CDH19: variants seen among roughly 807,000 people sequenced by gnomAD.
CDH19 encodes the protein cadherin 19.
A neutral mutation model predicts 64.2 loss-of-function variants in CDH19; 67 were observed. The observed-to-expected ratio is 1.04, with a 90% CI of 0.86 to 1.28. The LOEUF (loss-of-function observed/expected upper bound fraction) is 1.28. Ranked by LOEUF, CDH19 falls within the 50% of genes most tolerant of loss-of-function variation. The pLI, the probability that CDH19 is intolerant of heterozygous loss-of-function variation, is 0.00. For synonymous variants in CDH19, 346 were observed against 319.3 expected (o/e 1.08, Z -0.89); for missense variants, 1,030 against 929.0 (o/e 1.11, Z -1.41).
intron 1 of CDH19, among the ~76,000 whole-genome samples, chr18:66,599,071 ATATT>A (rs1335905879): frequency 6.6e-6 from 1 of 152,006 alleles, no homozygotes; most frequent in Non-Finnish European, 1.5e-5. Flanking sequence ...CACTTGTTTT[ATATT>A]TATTTTTTAT....
intron 7 of CDH19, among the ~76,000 whole-genome samples, chr18:66,542,026 CTA>C (rs1325134029): frequency 1.3e-5 from 2 of 152,006 alleles, no homozygotes; most frequent in Non-Finnish European, 2.9e-5. Context: ...ACTTGTACTC[CTA>C]AAATTAACAG....
intron 9 of CDH19, among the ~76,000 whole-genome samples, chr18:66,519,212 T>C (rs1598974066): frequency 6.6e-6 from 1 of 152,214 alleles, no homozygotes; most frequent in East Asian, 1.9e-4. Context: ...GTGTAGCTAA[T>C]TCAAATCTCT....
At chr18:66,587,834 A>G (rs1988621720) in intron 1 of CDH19, among the ~76,000 whole-genome samples, 1 of 152,124 alleles carries the variant, frequency 6.6e-6, no homozygotes, top group Non-Finnish European at 1.5e-5. Context: ...TTACTGTAAT[A>G]GCCTAGCTCC....
At chr18:66,595,638 A>T (rs1248176104) in intron 1 of CDH19, among the ~76,000 whole-genome samples, 1 of 152,004 alleles carries the variant, frequency 6.6e-6, no homozygotes, top group East Asian at 1.9e-4. Context: ...ACTGAAAGAG[A>T]TTAATAGTGA....
rs896124035 is a variant in CDH19 at position 66,542,733 on chromosome 18, G to A, written c.1214+1238C>T. On this transcript the variant is annotated intron_variant, in intron 7 of 11. Transcript: ENST00000262150. ...GGCAGGCGAGCCAGCCTTACTGTCT[G>A]AGCTCCGCCTCTTCTCATATCCACG... is the stretch of plus-strand genomic sequence containing the variant. Among the ~76,000 whole-genome samples the A allele has an allele frequency of 2.0e-5, 3 of 151,968 alleles. No individual in the cohort carries two copies. In the Admixed American group the frequency reaches 2.0e-4, roughly 10 times the overall value.
At chr18:66,575,383 T>C (rs1322340304) in intron 1 of CDH19, among the ~76,000 whole-genome samples, 5 of 151,782 alleles carry the variant, frequency 3.3e-5, no homozygotes, top group African/African-American at 1.2e-4. Flanking sequence ...AAAGCCCTCT[T>C]TACACTTTAA....
Position 66,568,613 on chromosome 18 carries a change from T to C in CDH19, c.293A>G (p.Asp98Gly). 1 of 1,611,990 alleles carries C rather than the reference T, an allele frequency of 6.2e-7. No individual in the cohort carries two copies. The highest frequency in any genetic ancestry group is 8.5e-7 in the Non-Finnish European group (1 of 1,178,674). Reference protein sequence around the residue: ...STFIIDERTGDIYAIQKLDRE... With the variant: ...STFIIDERTGGIYAIQKLDRE... ...ATCAAGCTTCTGTATGGCATATATGTCACCTGTTCTTTCATCAATGATAAA... is the reference window on the plus strand; with the variant it reads ...ATCAAGCTTCTGTATGGCATATATGCCACCTGTTCTTTCATCAATGATAAA... The change falls in exon 3 of 12, where the codon GAC becomes GGC. Residue 98 changes from aspartate (D) to glycine (G), a missense_variant. Transcript: ENST00000262150.
intron 1 of CDH19, among the ~76,000 whole-genome samples, chr18:66,591,154 G>T (rs774439377): frequency 6.8e-4 from 103 of 152,010 alleles, no homozygotes; most frequent in Non-Finnish European, 1.1e-3. Context: ...TTTAATAAAT[G>T]TAACCTCTAG....
chr18:66,544,212 C>CA lies in CDH19; in HGVS notation c.972dup (p.Glu325Ter). 6.2e-7 allele frequency: 1 copy of CA among 1,612,266 alleles called. No individual in the cohort carries two copies. The highest frequency in any genetic ancestry group is 8.5e-7 in the Non-Finnish European group (1 of 1,179,176). Reference sequence around the variant, plus strand: ...CTAATACCGTAGTGGTTCTGGTGCTCAAAATCCACTTTCTGCAAAGAAACA... The same window carrying CA: ...CTAATACCGTAGTGGTTCTGGTGCTCAAAAATCCACTTTCTGCAAAGAAACA... On this transcript the variant is annotated frameshift_variant, in exon 7 of 12. Coordinates refer to ENST00000262150, the MANE Select transcript of CDH19 (RefSeq NM_021153.4). LOFTEE classifies it high-confidence loss of function.
intron 1 of CDH19, among the ~76,000 whole-genome samples, chr18:66,586,781 A>C (rs989078931): frequency 1.3e-4 from 20 of 152,148 alleles, no homozygotes; most frequent in South Asian, 2.1e-4. Flanking sequence ...TAAACACAGA[A>C]GCAAGAAAAT....
chr18:66,559,740 A>G lies in CDH19; in HGVS notation c.491-5216T>C, dbSNP rs978665040. Among the ~76,000 whole-genome samples, 15 of 151,030 alleles carry G rather than the reference A, an allele frequency of 9.9e-5. No homozygotes were observed. The East Asian group carries it at 2.9e-3, about 29-fold the overall frequency. On this transcript the variant is annotated intron_variant, in intron 3 of 11. Coordinates refer to ENST00000262150, the MANE Select transcript of CDH19 (RefSeq NM_021153.4). ...TGAAACCTATTTTAGTTAAATATAT[A>G]ATATATATGAAAAGAAATAAAATAT...
At chr18:66,553,057 A>T (rs1043403522) in intron 4 of CDH19, among the ~76,000 whole-genome samples, 3 of 134,144 alleles carry the variant, frequency 2.2e-5, no homozygotes, top group African/African-American at 1.0e-4. Context: ...TGACCACACA[A>T]CATAAAGTCA....
chr18:66,597,870 C>T (rs748416424), intron 1 of CDH19, among the ~76,000 whole-genome samples: 8 of 151,948 alleles, frequency 5.3e-5, no homozygotes, highest in Non-Finnish European at 1.0e-4. Context: ...AGAAGGGGAA[C>T]ATCACACACC....
At chr18:66,579,206 T>C (rs1988354133) in intron 1 of CDH19, among the ~76,000 whole-genome samples, 1 of 152,014 alleles carries the variant, frequency 6.6e-6, no homozygotes, top group South Asian at 2.1e-4. Flanking sequence ...ATTAGACAAC[T>C]AACCGTGGAA....
At chr18:66,572,873 C>T (rs960196893) in intron 1 of CDH19, among the ~76,000 whole-genome samples, 5 of 151,618 alleles carry the variant, frequency 3.3e-5, no homozygotes, top group African/African-American at 1.2e-4. Context: ...AGAAAGCTTG[C>T]ATAAGATATT....
At chr18:66,536,781 T>C (rs188792553) in intron 7 of CDH19, among the ~76,000 whole-genome samples, 139 of 151,956 alleles carry the variant, frequency 9.1e-4, no homozygotes, top group Middle Eastern at 6.8e-3. Context: ...CCACCTTCAC[T>C]GGACAAAATT....
At position 66,575,179 on chromosome 18, in the gene CDH19, T is replaced by C. The variant is rs575473665; in HGVS notation, c.-112-2863A>G. ...AGACCTGTGGATCATTTCATTATAATGGTAGTGCTACAAAAAACTAAGTCA... is the reference window on the plus strand; with the variant it reads ...AGACCTGTGGATCATTTCATTATAACGGTAGTGCTACAAAAAACTAAGTCA... On this transcript the variant is annotated intron_variant, in intron 1 of 11. Coordinates refer to ENST00000262150, the MANE Select transcript of CDH19 (RefSeq NM_021153.4). 3.9e-5 allele frequency among the ~76,000 whole-genome samples: 6 copies of C among 151,934 alleles called. No homozygotes were observed. The South Asian group carries it at 8.3e-4, about 21-fold the overall frequency.
intron 2 of CDH19, among the ~76,000 whole-genome samples, chr18:66,569,522 T>C (rs1282816597): frequency 6.6e-6 from 1 of 151,624 alleles, no homozygotes; most frequent in Admixed American, 6.6e-5. Context: ...CTTCTCAATA[T>C]ATTCTACCTA....
At chr18:66,527,853 AT>A (rs140251049) in intron 9 of CDH19, among the ~76,000 whole-genome samples, 3,300 of 151,626 alleles carry the variant, frequency 0.022, 113 homozygotes, top group African/African-American at 0.076. Flanking sequence ...AATTAAACCT[AT>A]TTTTTTTAGG....
Sources: allele counts gnomAD v4.1 joint callset (sites outside exome capture counted in the v4.1 genomes callset), GRCh38; gene constraint gnomAD v4.1.1; transcripts MANE v1.5; gene names NCBI Gene and HGNC (gene_info 2026-07-23, HGNC 2026-07-21).